Variants in GRIN2A observed in about 807,000 individuals in gnomAD.
GRIN2A encodes the protein glutamate ionotropic receptor NMDA type subunit 2A.
Under a neutral mutation model 113.4 loss-of-function variants are expected in GRIN2A, and 22 were observed. The ratio of observed to expected loss-of-function variants is 0.19; its 90% CI spans 0.14 to 0.28. GRIN2A has a LOEUF of 0.28. Ranked by LOEUF, GRIN2A falls within the 10% of genes least tolerant of loss-of-function variation. The pLI, the probability that GRIN2A is intolerant of heterozygous loss-of-function variation, is 1.00. For synonymous variants in GRIN2A, 827 were observed against 738.4 expected, an observed-to-expected ratio of 1.12 and a Z score of -1.94; for missense variants, 1,502 against 1,887.0, an observed-to-expected ratio of 0.80 and a Z score of 3.78.
At position 9,762,286 on chromosome 16, in the gene GRIN2A, G is replaced by C. The variant is rs1422694162; in HGVS notation, c.*863C>G. On this transcript the variant is annotated 3_prime_UTR_variant, in exon 13 of 13. Coordinates refer to ENST00000330684, the MANE Select transcript of GRIN2A (RefSeq NM_001134407.3). ...AGGAAATGCAAACTTACGTACATAG[G>C]CGTCTTCGGGATAAACTACAATGGC... The C allele has an allele frequency of 4.4e-6, 1 of 226,234 alleles. No individual in the cohort carries two copies. Among genetic ancestry groups the C allele is most frequent in the Admixed American group, 5.7e-5 (1 of 17,504 alleles). 14.0% of individuals were successfully genotyped at this position (226,234 alleles called of 1,614,324 possible).
intron 4 of GRIN2A, among the ~76,000 whole-genome samples, chr16:9,868,696 C>A (rs2043204745): frequency 6.6e-6 from 1 of 152,164 alleles, no homozygotes; most frequent in South Asian, 2.1e-4. Context: ...ACCTGGCCTC[C>A]TCCCCAGGCC....
At chr16:10,015,325 A>G (rs569267085) in intron 2 of GRIN2A, among the ~76,000 whole-genome samples, 2 of 151,078 alleles carry the variant, frequency 1.3e-5, no homozygotes, top group South Asian at 2.1e-4. Context: ...AAATAACTAG[A>G]ATCTTACTAA....
intron 10 of GRIN2A, among the ~76,000 whole-genome samples, chr16:9,816,639 C>G (rs1035336553): frequency 1.3e-5 from 2 of 152,220 alleles, no homozygotes; most frequent in African/African-American, 4.8e-5. Context: ...AGGACATCAG[C>G]TTCTGATGAC....
intron 3 of GRIN2A, among the ~76,000 whole-genome samples, chr16:9,920,623 G>A (rs1302344830): frequency 6.6e-6 from 1 of 150,458 alleles, no homozygotes; most frequent in East Asian, 2.0e-4. Flanking sequence ...CTGGAGTGCA[G>A]TGACAAGATC....
rs1900267149 is a variant in GRIN2A at position 9,754,106 on chromosome 16, G to A, written c.*9043C>T. 5.4e-6 allele frequency: 1 copy of A among 185,142 alleles called. No homozygotes were observed. Among genetic ancestry groups the A allele is most frequent in the South Asian group, 2.0e-4 (1 of 5,098 alleles). The allele number at this position is 185,142 out of a possible 1,614,324, so 11.5% of individuals were successfully genotyped here. A position where few individuals can be genotyped will look rare whatever the true frequency, so the allele number is the denominator to read the frequency against. On this transcript the variant is annotated 3_prime_UTR_variant, in exon 13 of 13. Transcript: ENST00000330684. ...TTTTTATGATCTAATTCTTATTCAA[G>A]CTACCAAGAAACTCACCTTATTCTT...
At chr16:10,021,823 G>A (rs910528546) in intron 2 of GRIN2A, among the ~76,000 whole-genome samples, 1 of 151,982 alleles carries the variant, frequency 6.6e-6, no homozygotes, top group South Asian at 2.1e-4. Context: ...GCCCGTTCAG[G>A]ACACTCTGAG....
rs535179693 is a variant in GRIN2A at position 10,072,686 on chromosome 16, A to G, written c.414+107312T>C. On this transcript the variant is annotated intron_variant, in intron 2 of 12. Transcript: ENST00000330684. ...CGTGGTCTGTGGACCCCCTGACATC[A>G]GAATCACCTGGGAATCTGCTTAAAC... Among the ~76,000 whole-genome samples, 4 of 152,316 alleles carry G rather than the reference A, an allele frequency of 2.6e-5. No homozygotes were observed. In the South Asian group the frequency reaches 8.3e-4, roughly 32 times the overall value.
intron 10 of GRIN2A, among the ~76,000 whole-genome samples, chr16:9,811,363 G>A (rs531166905): frequency 9.2e-5 from 14 of 152,320 alleles, no homozygotes; most frequent in African/African-American, 3.4e-4. Flanking sequence ...CTGAACTTCA[G>A]TGTCCTCCTC....
At position 9,849,633 on chromosome 16, in the gene GRIN2A, T is replaced by C. The variant is rs536236514; in HGVS notation, c.1328+123A>G. On this transcript the variant is annotated intron_variant, in intron 5 of 12. Transcript: ENST00000330684. The stretch of plus-strand genomic sequence containing the variant: ...TTTAAATTGATTATTGTATTATACC[T>C]ACTATAACGACGTGTATTTTCTATG... The C allele has an allele frequency of 4.7e-5, 37 of 792,178 alleles. No homozygotes were observed. The South Asian group carries it at 5.2e-4, about 11-fold the overall frequency. The allele number at this position is 792,178 out of a possible 1,614,324, so 49.1% of individuals were successfully genotyped here.
intron 9 of GRIN2A, among the ~76,000 whole-genome samples, chr16:9,824,982 G>A (rs898469909): frequency 2.0e-5 from 3 of 152,108 alleles, no homozygotes; most frequent in African/African-American, 4.8e-5. Flanking sequence ...AGAGTTCCAC[G>A]TGCAAGCAGA....
At chr16:10,056,157 T>C (rs2141997111) in intron 2 of GRIN2A, among the ~76,000 whole-genome samples, 1 of 152,326 alleles carries the variant, frequency 6.6e-6, no homozygotes, top group South Asian at 2.1e-4. Context: ...GTCATACTAA[T>C]AACAGAGAAG....
At chr16:10,098,990 A>G (rs1287145475) in intron 2 of GRIN2A, among the ~76,000 whole-genome samples, 1 of 151,668 alleles carries the variant, frequency 6.6e-6, no homozygotes, top group African/African-American at 2.4e-5. Context: ...AATAAATAAA[A>G]CTAGTATTGA....
intron 2 of GRIN2A, among the ~76,000 whole-genome samples, chr16:9,948,336 G>A (rs2045073320): frequency 6.6e-6 from 1 of 152,188 alleles, no homozygotes; most frequent in Admixed American, 6.5e-5. Context: ...CTTGGATCTT[G>A]TTAAAACACA....
chr16:9,999,274 C>T (rs982008634), intron 2 of GRIN2A, among the ~76,000 whole-genome samples: 1 of 152,118 alleles, frequency 6.6e-6, no homozygotes, highest in Non-Finnish European at 1.5e-5. Flanking sequence ...CAAGAAGTGA[C>T]CTTGGCATAT....
intron 4 of GRIN2A, among the ~76,000 whole-genome samples, chr16:9,884,798 G>A (rs1453912797): frequency 6.9e-6 from 1 of 144,610 alleles, no homozygotes; most frequent in Non-Finnish European, 1.5e-5. Context: ...GGCCCAGGCT[G>A]GAGTGCAGTG....
At chr16:9,882,499 A>G (rs2043500713) in intron 4 of GRIN2A, among the ~76,000 whole-genome samples, 1 of 152,214 alleles carries the variant, frequency 6.6e-6, no homozygotes, top group Admixed American at 6.5e-5. Context: ...ACCAAAAAAT[A>G]GAAGGGGCCG....
chr16:10,024,601 C>G (rs1005963266), intron 2 of GRIN2A, among the ~76,000 whole-genome samples: 1 of 152,214 alleles, frequency 6.6e-6, no homozygotes, highest in African/African-American at 2.4e-5. Context: ...TCTCCCATTG[C>G]CGCTTAGAGA....
rs879769638 is a variant in GRIN2A at position 9,911,019 on chromosome 16, TA to T, written c.1008-19920del. On this transcript the variant is annotated intron_variant, in intron 3 of 12. Transcript: ENST00000330684. ...TTAGAAAGGTCTTCTTTACTTTAAC[TA>T]AAAAAAAAAAATCCATCTTGTAATT... Among the ~76,000 whole-genome samples the T allele has an allele frequency of 1.4e-3, 199 of 144,510 alleles. 1 individual carries two copies. Among genetic ancestry groups the T allele is most frequent in the Middle Eastern group, 3.5e-3 (1 of 282 alleles). The allele number at this position is 144,510 out of a possible 152,430, so 94.8% of individuals were successfully genotyped here.
At chr16:10,072,968 G>A (rs78238610) in intron 2 of GRIN2A, among the ~76,000 whole-genome samples, 1 of 23,594 alleles carries the variant, frequency 4.2e-5, no homozygotes, top group East Asian at 1.1e-3. Flanking sequence ...TTTTTTTTTT[G>A]AGACAGAGTC....
Sources: allele counts gnomAD v4.1 joint callset (sites outside exome capture counted in the v4.1 genomes callset), GRCh38; gene constraint gnomAD v4.1.1; transcripts MANE v1.5; gene names NCBI Gene and HGNC (gene_info 2026-07-23, HGNC 2026-07-21).